The following KLHL1 variants were observed in gnomAD, a reference collection of about 807,000 sequenced individuals.
KLHL1 encodes kelch-like protein 1.
In KLHL1, 47 loss-of-function variants were observed where a neutral mutation model predicts 77.7. The observed-to-expected ratio is 0.60, with a 90% CI of 0.48 to 0.77. The LOEUF is 0.77. KLHL1 is among the 30% of genes least tolerant of loss of function. The pLI is 0.00. For synonymous variants in KLHL1, 360 were observed against 325.2 expected (o/e 1.11, Z -1.15); for missense variants, 925 against 910.8 (o/e 1.02, Z -0.20).
rs1876111913 is a variant in KLHL1, at chr13:69,780,707, T to TATATATATATAC, written c.1639+16030_1639+16031insGTATATATATAT. On this transcript the variant is annotated intron_variant, in intron 7 of 10. Transcript: ENST00000377844. Reference sequence around the variant, plus strand: ...CTTCATATATATATATATATGTATATATATATATGTATATATATATATATA... The same window carrying TATATATATATAC: ...CTTCATATATATATATATATGTATATATATATATATACATATATATGTATATATATATATATA... 5.3e-5 allele frequency among the ~76,000 whole-genome samples: 2 copies of TATATATATATAC among 37,764 alleles called. 1 individual carries two copies. The highest frequency in any genetic ancestry group is 1.1e-4 in the Non-Finnish European group (2 of 19,002). 24.8% of individuals were successfully genotyped at this position (37,764 alleles called of 152,430 possible). A position where few individuals can be genotyped will look rare whatever the true frequency, so the allele number is the denominator to read the frequency against.
chr13:69,840,292 C>T (rs756247531), intron 5 of KLHL1, among the ~76,000 whole-genome samples: 2 of 151,296 alleles, frequency 1.3e-5, no homozygotes. Context: ...GGTGTGATCT[C>T]GGCTCACTGC....
At position 69,722,450 on chromosome 13, in the gene KLHL1, G is replaced by T. The variant is rs149052477; in HGVS notation, c.1803-2869C>A. Among the ~76,000 whole-genome samples, 145 of 151,776 alleles carry T rather than the reference G, an allele frequency of 9.6e-4. 5 individuals carry two copies. The highest frequency in any genetic ancestry group is 8.6e-3 in the Admixed American group (131 of 15,218). On this transcript the variant is annotated intron_variant, in intron 8 of 10. Coordinates refer to ENST00000377844, the MANE Select transcript of KLHL1 (RefSeq NM_020866.3). ...AACAGACCTATATCTATCTAATCTA[G>T]TATCAAACTACATATAGGTCTGTTC...
At chr13:69,778,923 C>T (rs530607018) in intron 7 of KLHL1, among the ~76,000 whole-genome samples, 2 of 150,998 alleles carry the variant, frequency 1.3e-5, no homozygotes, top group Non-Finnish European at 3.0e-5. Context: ...CTCAGCCTCC[C>T]GAGTAGTTGG....
chr13:69,733,447 A>G (rs1032534588), intron 8 of KLHL1, among the ~76,000 whole-genome samples: 1 of 152,218 alleles, frequency 6.6e-6, no homozygotes, highest in East Asian at 1.9e-4. Flanking sequence ...AGTAATAATA[A>G]TAAAGTGAGA....
rs922553554 is a variant in KLHL1, at chr13:70,107,806, C to T, written c.-107G>A. ...GGGGCGGAGGAAGAGGCGGGATGCG[C>T]CCTCTGCACCCCTAGAGCCAGAAGA... is the stretch of plus-strand genomic sequence containing the variant. On this transcript the variant is annotated 5_prime_UTR_variant, in exon 1 of 11. Coordinates refer to ENST00000377844, the MANE Select transcript of KLHL1 (RefSeq NM_020866.3). The T allele has an allele frequency of 1.0e-5, 8 of 795,714 alleles. No homozygotes were observed. The South Asian group carries it at 1.1e-4, about 11-fold the overall frequency. 49.3% of individuals were successfully genotyped at this position (795,714 alleles called of 1,614,324 possible).
chr13:69,949,382 C>A (rs1883632730), intron 3 of KLHL1, among the ~76,000 whole-genome samples: 3 of 151,416 alleles, frequency 2.0e-5, no homozygotes, highest in South Asian at 4.1e-4. Flanking sequence ...ATAAAATGTT[C>A]TTCGATTGAT....
At chr13:69,872,440 C>G (rs1288881714) in intron 5 of KLHL1, among the ~76,000 whole-genome samples, 1 of 152,168 alleles carries the variant, frequency 6.6e-6, no homozygotes, top group Non-Finnish European at 1.5e-5. Context: ...CTGGAGTAAA[C>G]TTTCCTCATT....
chr13:69,796,746 T>C lies in KLHL1; in HGVS notation c.1631A>G (p.His544Arg). The change falls in exon 7 of 11, where the codon CAT becomes CGT. Residue 544 changes from histidine to arginine, a missense_variant. By Grantham distance (29) the His-to-Arg change is conservative (BLOSUM62 0). Transcript: ENST00000377844. ...ATAAAGTAAGATCTTACCTAGACCA[T>C]GTCTGTGTGTTGACATTGGTGGTAA... ...TVLPPMSTHRHGLGVTVLEGP... is the reference protein window; with the variant it reads ...TVLPPMSTHRRGLGVTVLEGP... 2 of 1,608,502 alleles carry C rather than the reference T, an allele frequency of 1.2e-6. No homozygotes were observed. Among genetic ancestry groups the C allele is most frequent in the Non-Finnish European group, 1.7e-6 (2 of 1,174,766 alleles).
chr13:69,755,419 A>G (rs1364863581), intron 7 of KLHL1, among the ~76,000 whole-genome samples: 1 of 152,036 alleles, frequency 6.6e-6, no homozygotes, highest in African/African-American at 2.4e-5. Flanking sequence ...TTTATAGATT[A>G]CCCAGTCTCT....
At chr13:70,103,921 G>T (rs1213466946) in intron 1 of KLHL1, among the ~76,000 whole-genome samples, 1 of 152,100 alleles carries the variant, frequency 6.6e-6, no homozygotes, top group African/African-American at 2.4e-5. Flanking sequence ...TAGATTTAGA[G>T]ATGCAAATCT....
chr13:69,812,742 G>A (rs956522349), intron 6 of KLHL1, among the ~76,000 whole-genome samples: 10 of 151,270 alleles, frequency 6.6e-5, no homozygotes, highest in Non-Finnish European at 2.9e-5. Flanking sequence ...CTGGCCATCA[G>A]AGAAATGCAA....
At chr13:70,080,558 G>T (rs1887368613) in intron 1 of KLHL1, among the ~76,000 whole-genome samples, 1 of 151,900 alleles carries the variant, frequency 6.6e-6, no homozygotes, top group Non-Finnish European at 1.5e-5. Flanking sequence ...AGATTTGGTT[G>T]TTTATTGTTC....
chr13:69,718,090 A>C (rs950101289), intron 9 of KLHL1, among the ~76,000 whole-genome samples: 11 of 152,108 alleles, frequency 7.2e-5, no homozygotes, highest in African/African-American at 2.4e-4. Context: ...AAATGTCATA[A>C]ATGGGAAAGA....
At chr13:70,083,190 A>T (rs1452694123) in intron 1 of KLHL1, among the ~76,000 whole-genome samples, 1 of 152,214 alleles carries the variant, frequency 6.6e-6, no homozygotes, top group Non-Finnish European at 1.5e-5. Context: ...TGCTAAGCAC[A>T]AAAATGAATC....
intron 5 of KLHL1, among the ~76,000 whole-genome samples, chr13:69,877,980 C>A (rs1880830485): frequency 6.6e-6 from 1 of 152,108 alleles, no homozygotes; most frequent in African/African-American, 2.4e-5. Context: ...CATGGGAGGG[C>A]AGAAATGATA....
chr13:69,864,003 C>A (rs557701178), intron 5 of KLHL1, among the ~76,000 whole-genome samples: 2 of 151,714 alleles, frequency 1.3e-5, no homozygotes, highest in Admixed American at 1.3e-4. Flanking sequence ...TAATAAACAA[C>A]GCAATAATTT....
At chr13:70,050,237 T>TGTGTTACATAAAATAGTTAC (rs1320654217) in intron 1 of KLHL1, among the ~76,000 whole-genome samples, 1 of 151,900 alleles carries the variant, frequency 6.6e-6, no homozygotes, top group Non-Finnish European at 1.5e-5. Context: ...CAAAACTGGC[T>TGTGTTACATAAAATAGTTAC]GTGTTACATA....
intron 9 of KLHL1, among the ~76,000 whole-genome samples, chr13:69,713,363 C>T (rs1875967494): frequency 1.3e-5 from 2 of 152,052 alleles, no homozygotes; most frequent in Non-Finnish European, 2.9e-5. Flanking sequence ...TTTCTTTCTT[C>T]TCATTCTAAT....
chr13:70,054,558 G>T (rs893981368), intron 1 of KLHL1, among the ~76,000 whole-genome samples: 13 of 151,802 alleles, frequency 8.6e-5, no homozygotes, highest in African/African-American at 3.1e-4. Flanking sequence ...TTTTTTATGT[G>T]TTTGGGTTCA....
Sources: allele counts gnomAD v4.1 joint callset (sites outside exome capture counted in the v4.1 genomes callset), GRCh38; gene constraint gnomAD v4.1.1; transcripts MANE v1.5; gene names NCBI Gene and HGNC (gene_info 2026-07-23, HGNC 2026-07-21).